Variants in EYS observed in about 807,000 individuals in gnomAD.
EYS encodes the protein protein eyes shut homolog.
A neutral mutation model predicts 282.1 loss-of-function variants in EYS; 250 were observed. The observed-to-expected ratio is 0.89, with a 90% confidence interval of 0.80 to 0.98. The LOEUF (loss-of-function observed/expected upper bound fraction) is 0.98, where lower values mean the gene tolerates loss of function less well. EYS is among the 50% of genes least tolerant of loss of function. The pLI is 0.00. For synonymous variants in EYS, 1,355 were observed against 1,282.9 expected, an observed-to-expected ratio of 1.06 and a Z score of -1.20; for missense variants, 4,016 against 3,709.0, an observed-to-expected ratio of 1.08 and a Z score of -2.15.
intron 22 of EYS, among the ~76,000 whole-genome samples, chr6:64,768,026 G>A (rs1186014126): frequency 6.6e-6 from 1 of 152,006 alleles, no homozygotes; most frequent in South Asian, 2.1e-4. Flanking sequence ...GGCATTTCTT[G>A]TATGATAAAT....
intron 26 of EYS, among the ~76,000 whole-genome samples, chr6:64,481,040 A>G (rs1211225881): frequency 6.6e-6 from 1 of 151,502 alleles, no homozygotes; most frequent in Non-Finnish European, 1.5e-5. Context: ...TAGTTTTTGA[A>G]AAAGTCCAAT....
At chr6:64,518,958 T>C (rs1204168528) in intron 26 of EYS, among the ~76,000 whole-genome samples, 1 of 151,846 alleles carries the variant, frequency 6.6e-6, no homozygotes, top group African/African-American at 2.4e-5. Flanking sequence ...ATGTCTTTTT[T>C]AGCAGTGTGA....
At chr6:64,281,813 A>G (rs1167922611) in intron 30 of EYS, among the ~76,000 whole-genome samples, 1 of 152,256 alleles carries the variant, frequency 6.6e-6, no homozygotes, top group African/African-American at 2.4e-5. Flanking sequence ...TTTAGCAGCA[A>G]TGTATTAATA....
At chr6:65,442,538 G>A (rs1332356818) in intron 5 of EYS, among the ~76,000 whole-genome samples, 1 of 151,844 alleles carries the variant, frequency 6.6e-6, no homozygotes, top group Non-Finnish European at 1.5e-5. Flanking sequence ...CAGATCACGA[G>A]GTCAGGAGAT....
intron 28 of EYS, among the ~76,000 whole-genome samples, chr6:64,397,434 G>T (rs78660968): frequency 0.031 from 4,668 of 151,938 alleles, 224 homozygotes; most frequent in African/African-American, 0.11. Context: ...AATTTTCTTT[G>T]TGTTTTCTTT....
intron 28 of EYS, among the ~76,000 whole-genome samples, chr6:64,390,886 G>T (rs933656544): frequency 8.2e-5 from 12 of 145,816 alleles, no homozygotes; most frequent in Non-Finnish European, 1.8e-4. Context: ...AAAAAATTTA[G>T]AAGAATGTAT....
intron 5 of EYS, among the ~76,000 whole-genome samples, chr6:65,482,127 TATC>T (rs1278571337): frequency 8.5e-5 from 13 of 152,150 alleles, no homozygotes; most frequent in Admixed American, 7.9e-4. Context: ...TGCTAATAAT[TATC>T]ATAGTGACTA....
chr6:63,774,315 C>T (rs1057257481), intron 40 of EYS, among the ~76,000 whole-genome samples: 3 of 151,956 alleles, frequency 2.0e-5, no homozygotes, highest in Admixed American at 1.3e-4. Context: ...ATTACAGGCA[C>T]CCACCACCAC....
intron 31 of EYS, among the ~76,000 whole-genome samples, chr6:64,158,399 GAA>G (rs899010582): frequency 5.3e-5 from 8 of 151,712 alleles, no homozygotes; most frequent in Non-Finnish European, 1.2e-4. Flanking sequence ...TTGATGCTGA[GAA>G]AAAAAACCTA....
Position 64,214,814 on chromosome 6 carries a change from TACA to T in EYS, c.6424+15775_6424+15777del, listed in dbSNP as rs1765882281. ...TATTATTTGATTAATGGAAGGGAAT[TACA>T]ACAAGGTTAACTAGTAAGTCCTTGT... On this transcript the variant is annotated intron_variant, in intron 31 of 42. Coordinates refer to ENST00000503581, the MANE Select transcript of EYS (RefSeq NM_001142800.2). 2.0e-5 allele frequency among the ~76,000 whole-genome samples: 3 copies of T among 151,986 alleles called. No homozygotes were observed. The South Asian group carries it at 6.2e-4, about 31-fold the overall frequency.
At chr6:65,276,880 T>C (rs909004798) in intron 12 of EYS, among the ~76,000 whole-genome samples, 2 of 152,178 alleles carry the variant, frequency 1.3e-5, no homozygotes, top group African/African-American at 4.8e-5. Flanking sequence ...CTTATTTTGG[T>C]ATAAATATGT....
chr6:65,384,239 G>T (rs147137614), intron 8 of EYS, 147 bp downstream of exon 8: 10 of 604,868 alleles, frequency 1.7e-5, no homozygotes, highest in Middle Eastern at 4.5e-4. Context: ...AACCCCTATT[G>T]CTAAGCTTTA....
chr6:65,337,832 T>A (rs970240366), intron 10 of EYS, among the ~76,000 whole-genome samples: 4 of 150,862 alleles, frequency 2.7e-5, no homozygotes, highest in African/African-American at 9.7e-5. Context: ...TTATTATATA[T>A]TTATTACAAA....
chr6:63,818,397 T>C (rs1386646273), intron 36 of EYS, among the ~76,000 whole-genome samples: 1 of 151,470 alleles, frequency 6.6e-6, no homozygotes, highest in Non-Finnish European at 1.5e-5. Context: ...AAAGATGTAG[T>C]TTTTTTTTCC....
At chr6:63,853,463 A>C (rs768401544) in intron 36 of EYS, among the ~76,000 whole-genome samples, 2 of 152,084 alleles carry the variant, frequency 1.3e-5, no homozygotes, top group Non-Finnish European at 2.9e-5. Context: ...ACTACAAACC[A>C]CTCTTCAAGG....
At chr6:64,784,050 A>G (rs972687051) in intron 22 of EYS, among the ~76,000 whole-genome samples, 1 of 152,070 alleles carries the variant, frequency 6.6e-6, no homozygotes, top group African/African-American at 2.4e-5. Flanking sequence ...CTTACCATAA[A>G]CTTTGCTTTT....
intron 41 of EYS, among the ~76,000 whole-genome samples, chr6:63,732,773 A>G (rs926919722): frequency 3.9e-5 from 6 of 152,208 alleles, no homozygotes; most frequent in Admixed American, 2.0e-4. Flanking sequence ...CTAGGTTCAC[A>G]GAAGTTGAAG....
At chr6:64,223,996 T>C (rs1766182171) in intron 31 of EYS, among the ~76,000 whole-genome samples, 2 of 152,110 alleles carry the variant, frequency 1.3e-5, no homozygotes, top group South Asian at 2.1e-4. Context: ...TTACTGCATA[T>C]AATTCAGTTT....
intron 12 of EYS, among the ~76,000 whole-genome samples, chr6:65,223,923 T>C (rs1017196655): frequency 1.3e-5 from 2 of 152,154 alleles, no homozygotes; most frequent in Non-Finnish European, 2.9e-5. Flanking sequence ...GGCTCTGATC[T>C]CCCTTGCTGC....
Sources: gnomAD v4.1 joint callset for allele counts (sites outside exome capture counted in the v4.1 genomes callset) on GRCh38, gnomAD v4.1.1 for gene constraint, MANE v1.5 for transcripts, NCBI Gene and HGNC (gene_info 2026-07-23, HGNC 2026-07-21) for gene names.